ZNF8: variants seen among roughly 807,000 people sequenced by gnomAD.
ZNF8 encodes zinc finger protein 8.
Under a neutral mutation model 12.2 loss-of-function variants are expected in ZNF8, and 9 were observed. The observed-to-expected ratio is 0.73, with a 90% CI of 0.44 to 1.28. ZNF8 has a LOEUF of 1.28. Among genes scored for constraint, ZNF8 ranks in the 50% most tolerant of loss-of-function variants. The pLI, the probability that ZNF8 is intolerant of heterozygous loss-of-function variation, is 0.00. For synonymous variants in ZNF8, 274 were observed against 282.3 expected (o/e 0.97, Z 0.30); for missense variants, 664 against 729.1 (o/e 0.91, Z 1.03).
At chr19:58,283,695 G>A (rs896323125) in intron 1 of ZNF8, among the ~76,000 whole-genome samples, 3 of 150,982 alleles carry the variant, frequency 2.0e-5, no homozygotes, top group Non-Finnish European at 4.4e-5. Flanking sequence ...TGCCTCCCGG[G>A]TTCACACCAT....
Position 58,279,554 on chromosome 19 carries a change from A to G in ZNF8, c.66+407A>G, listed in dbSNP as rs574607815. The G allele has an allele frequency of 3.9e-6, 6 of 1,523,984 alleles. No individual in the cohort carries two copies. In the Middle Eastern group the frequency reaches 6.8e-4, roughly 172 times the overall value. 94.4% of individuals were successfully genotyped at this position (1,523,984 alleles called of 1,614,324 possible). On this transcript the variant is annotated intron_variant, in intron 1 of 3. Coordinates refer to ENST00000621650, the MANE Select transcript of ZNF8 (RefSeq NM_021089.3). The stretch of plus-strand genomic sequence containing the variant: ...CCAGATGGCAAGAATCATCGAATAG[A>G]GATGCTTTAACGCGTGGAGTCAGCG...
At chr19:58,286,002 T>C in intron 2 of ZNF8, 108 bp from the exon 3 acceptor site, 1 of 1,411,438 alleles carries the variant, frequency 7.1e-7, no homozygotes, top group Non-Finnish European at 9.8e-7. Flanking sequence ...CTTCACCATG[T>C]TGTGAGGTGC....
chr19:58,302,194 C>T lies in ZNF8; in HGVS notation c.*6658C>T, dbSNP rs557868051. 3.3e-5 allele frequency: 5 copies of T among 152,182 alleles called. No individual in the cohort carries two copies. Among genetic ancestry groups the T allele is most frequent in the African/African-American group, 9.6e-5 (4 of 41,510 alleles). The allele number at this position is 152,182 out of a possible 1,614,324, so 9.4% of individuals were successfully genotyped here. On this transcript the variant is annotated 3_prime_UTR_variant, in exon 4 of 4. Coordinates refer to ENST00000621650, the MANE Select transcript of ZNF8 (RefSeq NM_021089.3). ...TTTTGAAACAGATAAGAAACTCCTC[C>T]GTGGAAATTACTGTTAACTAGGGAA...
Position 58,295,635 on chromosome 19 carries a change from G to A in ZNF8, c.*99G>A, listed in dbSNP as rs2051449987. The A allele has an allele frequency of 2.8e-6, 3 of 1,070,394 alleles. No individual in the cohort carries two copies. Among genetic ancestry groups the A allele is most frequent in the South Asian group, 1.6e-5 (1 of 62,352 alleles). The allele number at this position is 1,070,394 out of a possible 1,614,324, so 66.3% of individuals were successfully genotyped here. A position where few individuals can be genotyped will look rare whatever the true frequency, so the allele number is the denominator to read the frequency against. On this transcript the variant is annotated 3_prime_UTR_variant, in exon 4 of 4. Coordinates refer to ENST00000621650, the MANE Select transcript of ZNF8 (RefSeq NM_021089.3). ...GAGGGGCTGGGGGTAGAAATGTCAT[G>A]GGTGACTTCTGACTTTCTAAGGAAA...
chr19:58,284,990 T>C (rs991758759), intron 1 of ZNF8, among the ~76,000 whole-genome samples: 1 of 152,172 alleles, frequency 6.6e-6, no homozygotes. Context: ...ACAGGGTCCA[T>C]GCTCCCCATC....
At chr19:58,282,071 C>T (rs2051353619) in intron 1 of ZNF8, among the ~76,000 whole-genome samples, 1 of 152,172 alleles carries the variant, frequency 6.6e-6, no homozygotes, top group Non-Finnish European at 1.5e-5. Flanking sequence ...CGAGATTGCA[C>T]CACTGCACTG....
In ZNF8 at chr19:58,294,867, C is replaced by T. The variant is rs756468235; in HGVS notation, c.1059C>T (p.Asn353=). 9 of 1,614,170 alleles carry T rather than the reference C, an allele frequency of 5.6e-6. No individual in the cohort carries two copies. In the Middle Eastern group the frequency reaches 6.6e-4, roughly 118 times the overall value. ...CQDCGRAFNQ[N]SSLGRHKRTH... ...ACTGTGGGAGGGCCTTCAACCAGAACTCCTCCCTGGGGCGGCACAAGAGGA... is the reference window on the plus strand; with the variant it reads ...ACTGTGGGAGGGCCTTCAACCAGAATTCCTCCCTGGGGCGGCACAAGAGGA... The change falls in exon 4 of 4, where the codon AAC becomes AAT. Residue 353 remains asparagine (N), a synonymous_variant. Coordinates refer to ENST00000621650, the MANE Select transcript of ZNF8 (RefSeq NM_021089.3). The surrounding 1 kb of genome is among the most constrained non-coding windows in gnomAD (Gnocchi z 5.5).
chr19:58,281,951 A>G (rs1383797348), intron 1 of ZNF8, among the ~76,000 whole-genome samples: 2 of 152,100 alleles, frequency 1.3e-5, no homozygotes, highest in Non-Finnish European at 2.9e-5. Context: ...CATCTCTACT[A>G]AAAGTACAAA....
Position 58,295,334 on chromosome 19 carries a change from A to T in ZNF8, c.1526A>T (p.Asn509Ile), listed in dbSNP as rs539431767. Residue 509 changes from asparagine (N) to isoleucine (I), a missense_variant, in exon 4 of 4, where the codon AAC becomes ATC. This residue lies in a region of ZNF8 where 225 missense variants were observed against 222.0 expected (regional missense o/e 1.01). Transcript: ENST00000621650. Reference protein sequence around the residue: ...SRRREQSSSRNSHLVQHQHPN... With the variant: ...SRRREQSSSRISHLVQHQHPN... ...CGGCGTGAACAATCCTCGAGCAGGA[A>T]CTCACACCTGGTTCAGCATCAACAC... 1 of 1,614,204 alleles carries T rather than the reference A, an allele frequency of 6.2e-7. No individual in the cohort carries two copies.
At chr19:58,288,794 G>T (rs140181841) in intron 3 of ZNF8, among the ~76,000 whole-genome samples, 1 of 152,146 alleles carries the variant, frequency 6.6e-6, no homozygotes, top group African/African-American at 2.4e-5. Context: ...CCATGATAGC[G>T]TATGACCTAT....
chr19:58,297,191 C>G lies in ZNF8; in HGVS notation c.*1655C>G, dbSNP rs55852018. ...GAGGTTTCAGTGAACCGAGATTGCACCACTGCACTCCAGCCTGGGTGACAG... is the reference window on the plus strand; with the variant it reads ...GAGGTTTCAGTGAACCGAGATTGCAGCACTGCACTCCAGCCTGGGTGACAG... On this transcript the variant is annotated 3_prime_UTR_variant, in exon 4 of 4. Transcript: ENST00000621650. 1 of 151,868 alleles carries G rather than the reference C, an allele frequency of 6.6e-6. No homozygotes were observed. The highest frequency in any genetic ancestry group is 2.4e-5 in the African/African-American group (1 of 41,372). The allele number at this position is 151,868 out of a possible 1,614,324, so 9.4% of individuals were successfully genotyped here. A position where few individuals can be genotyped will look rare whatever the true frequency, so the allele number is the denominator to read the frequency against.
chr19:58,289,664 C>T (rs555557786), intron 3 of ZNF8, among the ~76,000 whole-genome samples: 1 of 152,216 alleles, frequency 6.6e-6, no homozygotes, highest in Admixed American at 6.5e-5. Flanking sequence ...ATAGACCCTT[C>T]CTCCATCTTC....
chr19:58,282,667 G>T (rs260496), intron 1 of ZNF8, among the ~76,000 whole-genome samples: 2 of 151,052 alleles, frequency 1.3e-5, no homozygotes, highest in Admixed American at 6.6e-5. Flanking sequence ...TCACTGTGTC[G>T]CCCAGGCTGG....
chr19:58,286,464 C>T, intron 3 of ZNF8: 2 of 360,896 alleles, frequency 5.5e-6, no homozygotes, highest in Non-Finnish European at 5.2e-6. Context: ...TCAGGATGTG[C>T]CAGGCTCCCC....
chr19:58,294,260 A>G lies in ZNF8; in HGVS notation c.452A>G (p.Lys151Arg). The change falls in exon 4 of 4, where the codon AAG becomes AGG. Residue 151 changes from lysine to arginine, a missense_variant. Lys to Arg is a conservative substitution (Grantham distance 26, BLOSUM62 2). Coordinates refer to ENST00000621650, the MANE Select transcript of ZNF8 (RefSeq NM_021089.3). This position sits in a 1 kb window ranked among gnomAD's most constrained non-coding sequence, Gnocchi z 5.5. ...TGTCAGAGCCAGAGTCTGGCACTCA[A>G]GGAGCAGAATAACTTGAAGCAGTTG... ...RECQSQSLAL[K>R]EQNNLKQLEF... The G allele has an allele frequency of 6.2e-7, 1 of 1,614,110 alleles. No individual in the cohort carries two copies. The highest frequency in any genetic ancestry group is 2.2e-5 in the East Asian group (1 of 44,874).
At chr19:58,279,893 T>G in intron 1 of ZNF8, 1 of 1,229,380 alleles carries the variant, frequency 8.1e-7, no homozygotes, top group Non-Finnish European at 1.0e-6. Context: ...TTTTTATTTT[T>G]TGTCGTTGGT....
intron 1 of ZNF8, among the ~76,000 whole-genome samples, chr19:58,282,938 A>G (rs954038481): frequency 4.1e-5 from 6 of 146,690 alleles, no homozygotes; most frequent in Non-Finnish European, 9.0e-5. Flanking sequence ...TCTTACATTT[A>G]TGGCTTTGTT....
At chr19:58,279,335 A>G (rs1032772057) in intron 1 of ZNF8, 188 bp downstream of exon 1, 51 of 1,478,982 alleles carry the variant, frequency 3.4e-5, no homozygotes, top group Admixed American at 4.5e-5. Flanking sequence ...CGGGATTCCA[A>G]CCAGGCGCCT....
rs530333124 is a variant in ZNF8 at position 58,302,324 on chromosome 19, C to T, written c.*6788C>T. The T allele has an allele frequency of 1.3e-5, 2 of 152,166 alleles. No homozygotes were observed. The highest frequency in any genetic ancestry group is 1.9e-4 in the East Asian group (1 of 5,196). 9.4% of individuals were successfully genotyped at this position (152,166 alleles called of 1,614,324 possible). A position where few individuals can be genotyped will look rare whatever the true frequency, so the allele number is the denominator to read the frequency against. On this transcript the variant is annotated 3_prime_UTR_variant, in exon 4 of 4. Transcript: ENST00000621650. Reference sequence around the variant, plus strand: ...AAATGAAAACTTGTGTAAAATTCCTCATACTTTAGCCATCCATAGATGGTC... The same window carrying T: ...AAATGAAAACTTGTGTAAAATTCCTTATACTTTAGCCATCCATAGATGGTC...
Sources: gnomAD v4.1 joint callset for allele counts (sites outside exome capture counted in the v4.1 genomes callset) on GRCh38, gnomAD v4.1.1 for gene constraint, gnomAD v4.1.1 regional missense constraint, Gnocchi (gnomAD v3.1) non-coding constraint, MANE v1.5 for transcripts, NCBI Gene and HGNC (gene_info 2026-07-23, HGNC 2026-07-21) for gene names.